Variants in HS6ST3 observed in about 807,000 individuals in gnomAD.
HS6ST3 encodes the protein heparan sulfate 6-O-sulfotransferase 3, also known as heparan-sulfate 6-O-sulfotransferase 3.
HS6ST3 carries 12 observed loss-of-function variants against 36.7 expected under a neutral mutation model. That is an observed-to-expected ratio of 0.33 (90% confidence interval 0.21 to 0.53). HS6ST3 has a LOEUF of 0.53. Among genes scored for constraint, HS6ST3 ranks in the 20% least tolerant of loss-of-function variants. The pLI, the probability that HS6ST3 is intolerant of heterozygous loss-of-function variation, is 0.95. For synonymous variants in HS6ST3, 240 were observed against 257.5 expected (o/e 0.93, Z 0.65); for missense variants, 584 against 640.9 (o/e 0.91, Z 0.96).
At chr13:96,719,943 A>G (rs1875801388) in intron 1 of HS6ST3, among the ~76,000 whole-genome samples, 1 of 152,034 alleles carries the variant, frequency 6.6e-6, no homozygotes, top group Admixed American at 6.6e-5. Flanking sequence ...AGGAAGCTGC[A>G]TTTCTCCTTG....
chr13:96,371,044 T>C (rs898477370), intron 1 of HS6ST3, among the ~76,000 whole-genome samples: 9 of 152,260 alleles, frequency 5.9e-5, no homozygotes, highest in Admixed American at 5.9e-4. Flanking sequence ...GTTTTTCACT[T>C]GAAATTATTT....
At chr13:96,773,701 C>T (rs558555542) in intron 1 of HS6ST3, among the ~76,000 whole-genome samples, 7 of 152,288 alleles carry the variant, frequency 4.6e-5, no homozygotes, top group Non-Finnish European at 1.0e-4. Flanking sequence ...ATAAAACTCC[C>T]ACCTCCCTGG....
chr13:96,769,765 TGTGTGTGTGC>T lies in HS6ST3; in HGVS notation c.708-62723_708-62714del, dbSNP rs1205142614. ...GTGTGTGTGTGTGTGTGTGTGTGTG[TGTGTGTGTGC>T]GCACATATGTATTCTAGTTTTGCTA... On this transcript the variant is annotated intron_variant, in intron 1 of 1. Transcript: ENST00000376705. Among the ~76,000 whole-genome samples the T allele has an allele frequency of 1.5e-4, 23 of 150,570 alleles. 1 individual carries two copies. The East Asian group carries it at 4.5e-3, about 30-fold the overall frequency.
chr13:96,336,731 C>A (rs146754735), intron 1 of HS6ST3, among the ~76,000 whole-genome samples: 4 of 152,106 alleles, frequency 2.6e-5, no homozygotes, highest in African/African-American at 9.7e-5. Context: ...ATATTTATTA[C>A]GGTAGCCCTA....
chr13:96,401,471 G>A (rs990094534), intron 1 of HS6ST3, among the ~76,000 whole-genome samples: 3 of 152,170 alleles, frequency 2.0e-5, no homozygotes, highest in African/African-American at 7.2e-5. Context: ...GCATCTGAAT[G>A]TGCCCCAATC....
Position 96,312,661 on chromosome 13 carries a change from T to C in HS6ST3, c.707+221092T>C, listed in dbSNP as rs140823563. The stretch of plus-strand genomic sequence containing the variant: ...GCTGTATATGCATTTAGAATAATTA[T>C]GTTTTCTTGGCTGGACACAGTGGCT... On this transcript the variant is annotated intron_variant, in intron 1 of 1. Coordinates refer to ENST00000376705, the MANE Select transcript of HS6ST3 (RefSeq NM_153456.4). Among the ~76,000 whole-genome samples the C allele has an allele frequency of 7.2e-4, 110 of 152,274 alleles. 2 individuals are homozygous for C. The highest frequency in any genetic ancestry group is 2.5e-3 in the African/African-American group (105 of 41,560).
At chr13:96,830,865 G>C (rs1878764709) in intron 1 of HS6ST3, among the ~76,000 whole-genome samples, 1 of 152,190 alleles carries the variant, frequency 6.6e-6, no homozygotes, top group Non-Finnish European at 1.5e-5. Flanking sequence ...GCCAAGGACT[G>C]AACTAAAATT....
chr13:96,805,084 C>T (rs577444009), intron 1 of HS6ST3, among the ~76,000 whole-genome samples: 4 of 152,148 alleles, frequency 2.6e-5, no homozygotes, highest in Non-Finnish European at 5.9e-5. Flanking sequence ...AGTAATTTCA[C>T]TTGGTAGAAG....
intron 1 of HS6ST3, among the ~76,000 whole-genome samples, chr13:96,134,814 G>A (rs962461861): frequency 1.3e-5 from 2 of 152,102 alleles, no homozygotes; most frequent in Admixed American, 1.3e-4. Flanking sequence ...AAATCATCAT[G>A]GATACCCCTA....
At chr13:96,208,353 G>A (rs2054382346) in intron 1 of HS6ST3, among the ~76,000 whole-genome samples, 1 of 152,008 alleles carries the variant, frequency 6.6e-6, no homozygotes, top group African/African-American at 2.4e-5. Flanking sequence ...TTTAGGCTGT[G>A]TCTAAATTTT....
intron 1 of HS6ST3, among the ~76,000 whole-genome samples, chr13:96,259,623 T>A (rs1265845854): frequency 6.6e-6 from 1 of 152,212 alleles, no homozygotes; most frequent in Non-Finnish European, 1.5e-5. Context: ...AAAGATAGCA[T>A]TTTAACATGT....
At chr13:96,599,522 C>CT (rs564402131) in intron 1 of HS6ST3, among the ~76,000 whole-genome samples, 69 of 150,880 alleles carry the variant, frequency 4.6e-4, no homozygotes, top group African/African-American at 1.2e-3. Context: ...AGTCTTCTCT[C>CT]TTTTTTTTTC....
At chr13:96,592,480 G>A (rs2056386180) in intron 1 of HS6ST3, among the ~76,000 whole-genome samples, 1 of 152,074 alleles carries the variant, frequency 6.6e-6, no homozygotes, top group African/African-American at 2.4e-5. Context: ...GATATTCTGT[G>A]TTTTTCTGTG....
At chr13:96,269,286 A>G (rs1311942058) in intron 1 of HS6ST3, among the ~76,000 whole-genome samples, 1 of 152,036 alleles carries the variant, frequency 6.6e-6, no homozygotes, top group Non-Finnish European at 1.5e-5. Context: ...TAAAAATGAA[A>G]TTAAATGGCA....
intron 1 of HS6ST3, among the ~76,000 whole-genome samples, chr13:96,548,509 G>A (rs2138946776): frequency 6.6e-6 from 1 of 152,206 alleles, no homozygotes; most frequent in South Asian, 2.1e-4. Flanking sequence ...TTGTGTATTA[G>A]TCAAGATTCT....
chr13:96,385,135 C>T (rs866361354), intron 1 of HS6ST3, among the ~76,000 whole-genome samples: 36 of 147,834 alleles, frequency 2.4e-4, no homozygotes, highest in South Asian at 1.7e-3. Flanking sequence ...GCCGAGATCA[C>T]GCCATTGCAC....
chr13:96,642,391 G>A (rs1429209772), intron 1 of HS6ST3, among the ~76,000 whole-genome samples: 1 of 151,844 alleles, frequency 6.6e-6, no homozygotes, highest in East Asian at 1.9e-4. Context: ...CATACATGGA[G>A]ATTTTGAGCT....
intron 1 of HS6ST3, among the ~76,000 whole-genome samples, chr13:96,522,821 G>A (rs1369523714): frequency 6.6e-6 from 1 of 152,010 alleles, no homozygotes; most frequent in East Asian, 1.9e-4. Context: ...TATTCAATTG[G>A]CCATCTGTGT....
intron 1 of HS6ST3, among the ~76,000 whole-genome samples, chr13:96,171,695 T>C (rs1003799123): frequency 6.6e-6 from 1 of 152,234 alleles, no homozygotes; most frequent in African/African-American, 2.4e-5. Context: ...CAAATAAATT[T>C]AATTGTTCTG....
Sources: allele counts gnomAD v4.1 joint callset (sites outside exome capture counted in the v4.1 genomes callset), GRCh38; gene constraint gnomAD v4.1.1; transcripts MANE v1.5; gene names NCBI Gene and HGNC (gene_info 2026-07-23, HGNC 2026-07-21).